NCAM2: variants seen among roughly 807,000 people sequenced by gnomAD.
NCAM2 encodes N-CAM-2.
NCAM2 carries 30 observed loss-of-function variants against 98.1 expected under a neutral mutation model. The observed-to-expected ratio is 0.31, with a 90% CI of 0.23 to 0.41. The LOEUF (loss-of-function observed/expected upper bound fraction) is 0.41, where lower values mean the gene tolerates loss of function less well. NCAM2 is among the 10% of genes least tolerant of loss of function. The pLI, the probability that NCAM2 is intolerant of heterozygous loss-of-function variation, is 1.00. For missense variants in NCAM2, 867 were observed against 1,005.8 expected, an observed-to-expected ratio of 0.86 and a Z score of 1.87; for synonymous variants, 368 against 342.4, an observed-to-expected ratio of 1.07 and a Z score of -0.83.
chr21:21,200,980 T>C lies in NCAM2; in HGVS notation c.56-79598T>C, dbSNP rs560712012. On this transcript the variant is annotated intron_variant, in intron 1 of 17. Coordinates refer to ENST00000400546, the MANE Select transcript of NCAM2 (RefSeq NM_004540.5). ...AGAGTGCATATTAATGAGTGGATAA[T>C]TGGAGAATACTTTTTTATGATTTTA... is the stretch of plus-strand genomic sequence containing the variant. 5.9e-5 allele frequency among the ~76,000 whole-genome samples: 9 copies of C among 152,208 alleles called. No homozygotes were observed. The South Asian group carries it at 1.9e-3, about 32-fold the overall frequency.
chr21:21,107,602 T>G (rs1248118197), intron 1 of NCAM2, among the ~76,000 whole-genome samples: 1 of 152,124 alleles, frequency 6.6e-6, no homozygotes, highest in East Asian at 1.9e-4. Context: ...ATATTAAAAA[T>G]AACTTCTAAA....
chr21:21,427,807 T>C (rs1377137452), intron 11 of NCAM2, among the ~76,000 whole-genome samples: 1 of 152,170 alleles, frequency 6.6e-6, no homozygotes, highest in Non-Finnish European at 1.5e-5. Flanking sequence ...GACTAAAACA[T>C]TGATACATGT....
Position 21,280,620 on chromosome 21 carries a change from G to A in NCAM2, c.98G>A (p.Ser33Asn). The A allele has an allele frequency of 6.3e-7, 1 of 1,599,956 alleles. No individual in the cohort carries two copies. The highest frequency in any genetic ancestry group is 2.2e-5 in the East Asian group (1 of 44,448). Residue 33 changes from serine to asparagine, a missense_variant, in exon 2 of 18, where the codon AGT becomes AAT. Physicochemically the swap from Ser to Asn is conservative, Grantham distance 46. Transcript: ENST00000400546. The part of the protein sequence containing the change: ...VTISLSKVEL[S>N]VGESKFFTCT... ...ATTTCACTTAGCAAAGTAGAGCTTAGTGTTGGAGAATCTAAATTCTTCACA... is the reference window on the plus strand; with the variant it reads ...ATTTCACTTAGCAAAGTAGAGCTTAATGTTGGAGAATCTAAATTCTTCACA...
intron 11 of NCAM2, among the ~76,000 whole-genome samples, chr21:21,428,992 C>G (rs984895828): frequency 3.3e-5 from 5 of 152,064 alleles, no homozygotes; most frequent in African/African-American, 1.2e-4. Flanking sequence ...TTATCTCTTT[C>G]CTCAAGAAAC....
At chr21:21,530,508 T>G (rs1360044374) in intron 16 of NCAM2, among the ~76,000 whole-genome samples, 1 of 150,826 alleles carries the variant, frequency 6.6e-6, no homozygotes. Context: ...TTCCCAATAA[T>G]TTTCCATGTG....
chr21:21,394,469 C>CTTTTTTTTTTTTTTTTTTTTTTTTTT lies in NCAM2; in HGVS notation c.1196-15793_1196-15768dup, dbSNP rs532068473. On this transcript the variant is annotated intron_variant, in intron 9 of 17. Coordinates refer to ENST00000400546, the MANE Select transcript of NCAM2 (RefSeq NM_004540.5). The stretch of plus-strand genomic sequence containing the variant: ...GACCTTAGTTAATTTAAGGGGCCAG[C>CTTTTTTTTTTTTTTTTTTTTTTTTTT]TTTTTTTTTTTTTTTTTTTTTTTTT... Among the ~76,000 whole-genome samples, 10 of 57,670 alleles carry CTTTTTTTTTTTTTTTTTTTTTTTTTT rather than the reference C, an allele frequency of 1.7e-4. 1 individual carries two copies. Among genetic ancestry groups the CTTTTTTTTTTTTTTTTTTTTTTTTTT allele is most frequent in the Non-Finnish European group, 2.7e-4 (9 of 33,700 alleles). 37.8% of individuals were successfully genotyped at this position (57,670 alleles called of 152,430 possible).
intron 15 of NCAM2, among the ~76,000 whole-genome samples, chr21:21,490,192 C>T (rs1602488368): frequency 6.6e-6 from 1 of 151,874 alleles, no homozygotes; most frequent in East Asian, 1.9e-4. Flanking sequence ...TAGTCCATAA[C>T]ATCTGTATTA....
rs1436665814 is a variant in NCAM2, at chr21:21,296,711, G to T, written c.619+4470G>T. On this transcript the variant is annotated intron_variant, in intron 5 of 17. Transcript: ENST00000400546. Reference sequence around the variant, plus strand: ...AGAGATAATTGGGGCCTTTACTAAAGGGCAAGGAAATGAAGAGGAAGGCGT... The same window carrying T: ...AGAGATAATTGGGGCCTTTACTAAATGGCAAGGAAATGAAGAGGAAGGCGT... Among the ~76,000 whole-genome samples, 4 of 151,734 alleles carry T rather than the reference G, an allele frequency of 2.6e-5. No individual in the cohort carries two copies. In the South Asian group the frequency reaches 8.3e-4, roughly 31 times the overall value.
chr21:21,511,780 T>C (rs1988400034), intron 16 of NCAM2, among the ~76,000 whole-genome samples: 1 of 152,052 alleles, frequency 6.6e-6, no homozygotes, highest in African/African-American at 2.4e-5. Context: ...GTCTTTTGGA[T>C]ACAAGCCATT....
intron 1 of NCAM2, among the ~76,000 whole-genome samples, chr21:21,137,563 G>C (rs900787670): frequency 2.0e-5 from 3 of 152,098 alleles, no homozygotes; most frequent in Non-Finnish European, 4.4e-5. Context: ...CGGATCACCT[G>C]AGGTGACCAA....
chr21:21,441,672 G>A (rs143114496), intron 12 of NCAM2, among the ~76,000 whole-genome samples: 124 of 152,252 alleles, frequency 8.1e-4, no homozygotes, highest in African/African-American at 2.7e-3. Context: ...AAGTAAGGTA[G>A]TGAGGGTAGG....
intron 11 of NCAM2, among the ~76,000 whole-genome samples, chr21:21,431,317 G>GT (rs2077338816): frequency 1.8e-5 from 1 of 56,756 alleles, no homozygotes; most frequent in East Asian, 1.2e-3. Context: ...ATCCCTCACT[G>GT]GGATTTTTTT....
At chr21:21,514,215 T>C (rs1474292925) in intron 16 of NCAM2, among the ~76,000 whole-genome samples, 1 of 151,540 alleles carries the variant, frequency 6.6e-6, no homozygotes, top group Non-Finnish European at 1.5e-5. Flanking sequence ...TTTTTTTAAC[T>C]GGCAAAATGT....
chr21:21,219,147 A>G (rs1263559075), intron 1 of NCAM2, among the ~76,000 whole-genome samples: 1 of 152,160 alleles, frequency 6.6e-6, no homozygotes, highest in African/African-American at 2.4e-5. Context: ...TTAAAATATT[A>G]TGAGATTTTT....
Position 21,539,941 on chromosome 21 carries a change from A to G in NCAM2, c.*1984A>G, listed in dbSNP as rs1298552802. 4 of 152,094 alleles carry G rather than the reference A, an allele frequency of 2.6e-5. No individual in the cohort carries two copies. Among genetic ancestry groups the G allele is most frequent in the Non-Finnish European group, 5.9e-5 (4 of 68,016 alleles). 9.4% of individuals were successfully genotyped at this position (152,094 alleles called of 1,614,324 possible). ...TGTTTGTTTTGTTTTGTACCAGTGT[A>G]CTAAAACTAGTCAAAATACTTGAAT... On this transcript the variant is annotated 3_prime_UTR_variant, in exon 18 of 18. Coordinates refer to ENST00000400546, the MANE Select transcript of NCAM2 (RefSeq NM_004540.5).
intron 5 of NCAM2, among the ~76,000 whole-genome samples, chr21:21,310,090 T>A (rs1461236935): frequency 1.3e-5 from 2 of 152,206 alleles, no homozygotes; most frequent in African/African-American, 4.8e-5. Context: ...AGACCTGACT[T>A]CTAAATATTT....
At chr21:21,360,132 C>T (rs974591997) in intron 8 of NCAM2, among the ~76,000 whole-genome samples, 14 of 151,758 alleles carry the variant, frequency 9.2e-5, no homozygotes, top group African/African-American at 3.1e-4. Flanking sequence ...AAAACCAGTG[C>T]GTAAGATAAT....
intron 1 of NCAM2, among the ~76,000 whole-genome samples, chr21:21,257,186 A>G (rs1183723532): frequency 6.6e-6 from 1 of 152,206 alleles, no homozygotes; most frequent in Non-Finnish European, 1.5e-5. Context: ...CATAAACTGT[A>G]AACTCTTTGA....
intron 1 of NCAM2, among the ~76,000 whole-genome samples, chr21:21,014,958 A>G (rs1473448650): frequency 1.3e-5 from 2 of 152,212 alleles, no homozygotes; most frequent in Non-Finnish European, 2.9e-5. Flanking sequence ...AGACTTCGGC[A>G]GAAGTAGTAA....
Sources: gnomAD v4.1 joint callset for allele counts (sites outside exome capture counted in the v4.1 genomes callset) on GRCh38, gnomAD v4.1.1 for gene constraint, MANE v1.5 for transcripts, NCBI Gene and HGNC (gene_info 2026-07-23, HGNC 2026-07-21) for gene names.